Variants in STMN2 observed in about 807,000 individuals in gnomAD.
STMN2 encodes the protein stathmin-2.
In STMN2, 2 loss-of-function variants were observed where a neutral mutation model predicts 24.1. The observed-to-expected ratio is 0.08, with a 90% confidence interval of 0.03 to 0.26. STMN2 has a LOEUF of 0.26. STMN2 is among the 10% of genes least tolerant of loss of function. The pLI, the probability that STMN2 is intolerant of heterozygous loss-of-function variation, is 1.00. For synonymous variants in STMN2, 83 were observed against 77.5 expected, an observed-to-expected ratio of 1.07 and a Z score of -0.37; for missense variants, 114 against 213.6, an observed-to-expected ratio of 0.53 and a Z score of 2.91.
At chr8:79,645,466 A>G (rs1233367396) in intron 3 of STMN2, among the ~76,000 whole-genome samples, 1 of 152,256 alleles carries the variant, frequency 6.6e-6, no homozygotes, top group Non-Finnish European at 1.5e-5. Context: ...AGATACGGAT[A>G]TTAAAACAGA....
chr8:79,623,462 T>C (rs1215265913), intron 1 of STMN2, among the ~76,000 whole-genome samples: 5 of 152,196 alleles, frequency 3.3e-5, no homozygotes, highest in Admixed American at 6.5e-5. Flanking sequence ...AAATATCAAA[T>C]CATGTAAATG....
chr8:79,642,205 TGCCATTGGTCCCTGCTTATATTAAAGA>T (rs1339107284), intron 3 of STMN2, among the ~76,000 whole-genome samples: 1 of 152,218 alleles, frequency 6.6e-6, no homozygotes, highest in East Asian at 1.9e-4. Context: ...TTTCTCTTTT[TGCCATTGGTCCCTGCTTATATTAAAGA>T]GCTTTCCTTT....
chr8:79,614,217 A>G (rs1364799866), intron 1 of STMN2, among the ~76,000 whole-genome samples: 1 of 152,248 alleles, frequency 6.6e-6, no homozygotes, highest in Non-Finnish European at 1.5e-5. Flanking sequence ...CTACTTCTGC[A>G]GTATTAAAAT....
chr8:79,611,679 C>A lies in STMN2; in HGVS notation c.19+465C>A, dbSNP rs570521464. On this transcript the variant is annotated intron_variant, in intron 1 of 4. Coordinates refer to ENST00000220876, the MANE Select transcript of STMN2 (RefSeq NM_007029.4). The stretch of plus-strand genomic sequence containing the variant: ...AATTGCAAAGTCAAAGCGGTCCCAT[C>A]CCGCTGTTTGAAAGATGGGTGGAGA... 6.3e-4 allele frequency: 458 copies of A among 721,376 alleles called. 1 individual carries two copies. Among genetic ancestry groups the A allele is most frequent in the Non-Finnish European group, 7.5e-4 (440 of 585,908 alleles). The allele number at this position is 721,376 out of a possible 1,614,324, so 44.7% of individuals were successfully genotyped here. A position where few individuals can be genotyped will look rare whatever the true frequency, so the allele number is the denominator to read the frequency against.
At chr8:79,655,600 G>A (rs1196471758) in intron 4 of STMN2, among the ~76,000 whole-genome samples, 2 of 152,006 alleles carry the variant, frequency 1.3e-5, no homozygotes, top group African/African-American at 4.8e-5. Flanking sequence ...TAGCTCATAG[G>A]GGATGTTTCA....
intron 4 of STMN2, chr8:79,663,635 A>T (rs1478591764): frequency 1.3e-6 from 2 of 1,531,368 alleles, no homozygotes; most frequent in South Asian, 2.4e-5. Flanking sequence ...CAATTTCTGG[A>T]GCTTCAGAGG....
At chr8:79,651,568 C>T (rs1810334552) in intron 3 of STMN2, among the ~76,000 whole-genome samples, 1 of 152,186 alleles carries the variant, frequency 6.6e-6, no homozygotes, top group African/African-American at 2.4e-5. Context: ...CCGTCTGAAT[C>T]TTATTTCCCT....
chr8:79,656,884 G>GTTTTATTTTTTTT (rs1806384537), intron 4 of STMN2, among the ~76,000 whole-genome samples: 1 of 150,206 alleles, frequency 6.7e-6, no homozygotes, highest in Non-Finnish European at 1.5e-5. Flanking sequence ...TTGTTTGTTT[G>GTTTTATTTTTTTT]TTTTTTTGAG....
chr8:79,659,763 T>TC (rs1474768177), intron 4 of STMN2, among the ~76,000 whole-genome samples: 1 of 152,198 alleles, frequency 6.6e-6, no homozygotes, highest in African/African-American at 2.4e-5. Flanking sequence ...TAATGGGGGT[T>TC]CTATGGGGGT....
At chr8:79,660,430 T>C (rs957800564) in intron 4 of STMN2, among the ~76,000 whole-genome samples, 5 of 152,182 alleles carry the variant, frequency 3.3e-5, no homozygotes, top group African/African-American at 4.8e-5. Flanking sequence ...TGCTTTCCCC[T>C]ATCCAACCAT....
chr8:79,617,550 C>G (rs914809075), intron 1 of STMN2, among the ~76,000 whole-genome samples: 2 of 152,164 alleles, frequency 1.3e-5, no homozygotes, highest in Admixed American at 1.3e-4. Flanking sequence ...AGCTGGGAAA[C>G]TTTCCATTTT....
At chr8:79,624,453 CAAAAAAAAAAA>C (rs1011493193) in intron 1 of STMN2, among the ~76,000 whole-genome samples, 2 of 45,132 alleles carry the variant, frequency 4.4e-5, no homozygotes, top group East Asian at 6.9e-4. Context: ...GACTCCGTCT[CAAAAAAAAAAA>C]AAAAAAAAAA....
At chr8:79,654,810 C>A in intron 3 of STMN2, 61 bp from the exon 4 acceptor site, 1 of 1,545,590 alleles carries the variant, frequency 6.5e-7, no homozygotes. Flanking sequence ...AATTGGTGGG[C>A]CGTTATTCTG....
intron 2 of STMN2, among the ~76,000 whole-genome samples, chr8:79,638,297 G>C (rs1447447406): frequency 6.6e-6 from 1 of 152,154 alleles, no homozygotes; most frequent in African/African-American, 2.4e-5. Context: ...GGTTTTTGCT[G>C]GGTTAGGGAA....
intron 3 of STMN2, 152 bp from the exon 4 acceptor site, chr8:79,654,719 C>G (rs2130385406): frequency 1.2e-6 from 1 of 824,106 alleles, no homozygotes; most frequent in Non-Finnish European, 1.8e-6. Context: ...ATAGAAAACT[C>G]TAAGCCATGC....
intron 3 of STMN2, among the ~76,000 whole-genome samples, chr8:79,646,165 A>G (rs1417426978): frequency 6.6e-6 from 1 of 152,218 alleles, no homozygotes; most frequent in African/African-American, 2.4e-5. Flanking sequence ...TATAGTCACT[A>G]AGTTTCCAAA....
rs114717515 is a variant in STMN2 at position 79,652,470 on chromosome 8, G to C, written c.289-2401G>C. On this transcript the variant is annotated intron_variant, in intron 3 of 4. Coordinates refer to ENST00000220876, the MANE Select transcript of STMN2 (RefSeq NM_007029.4). ...GAGGTGGAGATGAGGGAGTTAGGAA[G>C]GACTTGGACTCTCATCAACCATCAG... is the stretch of plus-strand genomic sequence containing the variant. 6.3e-3 allele frequency among the ~76,000 whole-genome samples: 956 copies of C among 152,214 alleles called. 8 individuals carry two copies. Among genetic ancestry groups the C allele is most frequent in the African/African-American group, 0.022 (908 of 41,524 alleles).
intron 3 of STMN2, among the ~76,000 whole-genome samples, chr8:79,643,149 G>GTATA (rs201477262): frequency 0.13 from 18,121 of 139,890 alleles, 1,291 homozygotes; most frequent in Middle Eastern, 0.22. Flanking sequence ...ATGTGTGTGT[G>GTATA]TATATATATA....
At chr8:79,647,309 A>T (rs1366228979) in intron 3 of STMN2, among the ~76,000 whole-genome samples, 1 of 152,238 alleles carries the variant, frequency 6.6e-6, no homozygotes, top group Non-Finnish European at 1.5e-5. Flanking sequence ...CTCAAAGTAA[A>T]TATACAGATA....
Sources: gnomAD v4.1 joint callset for allele counts (sites outside exome capture counted in the v4.1 genomes callset) on GRCh38, gnomAD v4.1.1 for gene constraint, MANE v1.5 for transcripts, NCBI Gene and HGNC (gene_info 2026-07-23, HGNC 2026-07-21) for gene names.